The following CTNNBL1 variants were observed in gnomAD, a reference collection of about 807,000 sequenced individuals.
CTNNBL1 encodes the protein beta-catenin-like protein 1.
In CTNNBL1, 31 loss-of-function variants were observed where a neutral mutation model predicts 72.7. The observed-to-expected ratio is 0.43, with a 90% CI of 0.32 to 0.58. CTNNBL1 has a LOEUF of 0.58. Among genes scored for constraint, CTNNBL1 ranks in the 20% least tolerant of loss-of-function variants. The probability of loss-of-function intolerance (pLI) is 0.08; values close to 1 mark genes in which losing one functional copy is unlikely to be tolerated. For synonymous variants in CTNNBL1, 240 were observed against 267.3 expected (o/e 0.90, Z 1.00); for missense variants, 534 against 725.1 (o/e 0.74, Z 3.03).
At chr20:37,795,033 G>A (rs1333379263) in intron 10 of CTNNBL1, among the ~76,000 whole-genome samples, 3 of 151,264 alleles carry the variant, frequency 2.0e-5, no homozygotes, top group Non-Finnish European at 2.9e-5. Context: ...TTGGTTTTGA[G>A]TTTATGTAGT....
At chr20:37,759,503 A>G (rs1406413436) in intron 5 of CTNNBL1, among the ~76,000 whole-genome samples, 2 of 152,180 alleles carry the variant, frequency 1.3e-5, no homozygotes, top group Non-Finnish European at 2.9e-5. Context: ...TGTCAAGCCC[A>G]CTGACAAAAG....
chr20:37,745,148 A>G (rs2073251628), intron 3 of CTNNBL1, among the ~76,000 whole-genome samples: 1 of 152,200 alleles, frequency 6.6e-6, no homozygotes, highest in Non-Finnish European at 1.5e-5. Context: ...ATTAATGGAG[A>G]AAAACAGTAA....
intron 1 of CTNNBL1, among the ~76,000 whole-genome samples, chr20:37,715,848 GT>G (rs1378793269): frequency 6.6e-6 from 1 of 152,212 alleles, no homozygotes; most frequent in African/African-American, 2.4e-5. Context: ...CTAATGGGTA[GT>G]TTGCCTTGAT....
intron 7 of CTNNBL1, among the ~76,000 whole-genome samples, chr20:37,769,442 G>T (rs1213154396): frequency 6.6e-6 from 1 of 152,118 alleles, no homozygotes; most frequent in African/African-American, 2.4e-5. Flanking sequence ...ATTTTAATTT[G>T]TAATTTTAAC....
At chr20:37,808,036 A>G (rs533449142) in intron 11 of CTNNBL1, among the ~76,000 whole-genome samples, 32 of 152,274 alleles carry the variant, frequency 2.1e-4, no homozygotes, top group Non-Finnish European at 3.8e-4. Context: ...GTTCTAGTTA[A>G]TTGCGCTGTT....
chr20:37,844,107 C>T (rs1163840768), intron 13 of CTNNBL1, among the ~76,000 whole-genome samples: 2 of 152,170 alleles, frequency 1.3e-5, no homozygotes, highest in African/African-American at 4.8e-5. Flanking sequence ...TTCTCTTTAT[C>T]TGAATGATAA....
chr20:37,707,332 T>C (rs1322797170), intron 1 of CTNNBL1, among the ~76,000 whole-genome samples: 1 of 152,238 alleles, frequency 6.6e-6, no homozygotes, highest in Non-Finnish European at 1.5e-5. Context: ...TGAAAATCTG[T>C]TGTTTAGTGT....
chr20:37,838,595 T>A (rs1262498349), intron 11 of CTNNBL1, among the ~76,000 whole-genome samples: 1 of 152,108 alleles, frequency 6.6e-6, no homozygotes, highest in African/African-American at 2.4e-5. Flanking sequence ...GACGTTAAGT[T>A]TAAAAGAACC....
At chr20:37,847,012 C>T (rs2072352712) in intron 13 of CTNNBL1, among the ~76,000 whole-genome samples, 1 of 152,158 alleles carries the variant, frequency 6.6e-6, no homozygotes, top group Admixed American at 6.5e-5. Flanking sequence ...GACCACTGCT[C>T]ATTAGGTGAA....
intron 11 of CTNNBL1, among the ~76,000 whole-genome samples, chr20:37,816,245 A>G (rs1455222599): frequency 6.6e-6 from 1 of 152,204 alleles, no homozygotes; most frequent in African/African-American, 2.4e-5. Flanking sequence ...AGTCTATTAA[A>G]GGATGTGTGT....
At chr20:37,737,257 A>G (rs1054123840) in intron 2 of CTNNBL1, 121 bp from the exon 3 acceptor site, 2 of 711,494 alleles carry the variant, frequency 2.8e-6, no homozygotes, top group Non-Finnish European at 4.9e-6. Context: ...AGTGTACTGT[A>G]CATTGAACCC....
At chr20:37,755,139 T>C (rs1376380640) in intron 4 of CTNNBL1, among the ~76,000 whole-genome samples, 1 of 152,182 alleles carries the variant, frequency 6.6e-6, no homozygotes, top group Non-Finnish European at 1.5e-5. Flanking sequence ...ACCTTTCTTA[T>C]CTGTTAAATA....
intron 11 of CTNNBL1, among the ~76,000 whole-genome samples, chr20:37,824,820 T>C (rs899062387): frequency 2.6e-5 from 4 of 152,214 alleles, no homozygotes; most frequent in African/African-American, 9.7e-5. Flanking sequence ...TGGTCCCAGA[T>C]GGCTACTAGA....
chr20:37,836,659 G>A (rs1454756464), intron 11 of CTNNBL1, among the ~76,000 whole-genome samples: 1 of 152,180 alleles, frequency 6.6e-6, no homozygotes, highest in African/African-American at 2.4e-5. Context: ...TAAATGAGGA[G>A]CTTCTTCAGG....
At chr20:37,793,676 T>C (rs2073745524) in intron 10 of CTNNBL1, among the ~76,000 whole-genome samples, 1 of 152,248 alleles carries the variant, frequency 6.6e-6, no homozygotes, top group Non-Finnish European at 1.5e-5. Flanking sequence ...TCTATTTCTC[T>C]CTCCAGGTTT....
chr20:37,718,395 G>A (rs1433027810), intron 1 of CTNNBL1, among the ~76,000 whole-genome samples: 12 of 140,430 alleles, frequency 8.5e-5, no homozygotes, highest in South Asian at 2.3e-4. Context: ...GGGACGGGGC[G>A]GCTGGCCGGG....
chr20:37,841,477 C>G (rs2072303922), intron 12 of CTNNBL1, among the ~76,000 whole-genome samples: 2 of 152,148 alleles, frequency 1.3e-5, no homozygotes, highest in African/African-American at 2.4e-5. Context: ...ACATTAAGGT[C>G]TTAGGGTCAT....
chr20:37,840,001 G>A, intron 11 of CTNNBL1, 101 bp from the exon 12 acceptor site: 4 of 767,770 alleles, frequency 5.2e-6, no homozygotes, highest in Non-Finnish European at 8.9e-6. Context: ...AGTCAGAAAG[G>A]CCTACTTATT....
In CTNNBL1 at chr20:37,803,042, C is replaced by G; in HGVS notation, c.1207C>G (p.His403Asp). 1 of 1,613,532 alleles carries G rather than the reference C, an allele frequency of 6.2e-7. No homozygotes were observed. Among genetic ancestry groups the G allele is most frequent in the Non-Finnish European group, 8.5e-7 (1 of 1,179,644 alleles). The change falls in exon 11 of 16, where the codon CAT (histidine) becomes GAT (aspartate). Residue 403 changes from histidine (H) to aspartate (D), a missense_variant. Coordinates refer to ENST00000361383, the MANE Select transcript of CTNNBL1 (RefSeq NM_030877.5). ...IKKVGTTEKE[H>D]EEHVCSILAS... ...GAAAGTGGGAACCACTGAGAAGGAA[C>G]ATGAAGGTAGGGTTCACTGGAGGAG...
Sources: allele counts gnomAD v4.1 joint callset (sites outside exome capture counted in the v4.1 genomes callset), GRCh38; gene constraint gnomAD v4.1.1; transcripts MANE v1.5; gene names NCBI Gene and HGNC (gene_info 2026-07-23, HGNC 2026-07-21).